Variants in KCNK1 observed in about 807,000 individuals in gnomAD.
KCNK1 encodes potassium two pore domain channel subfamily K member 1.
KCNK1 carries 10 observed loss-of-function variants against 22.2 expected under a neutral mutation model. The observed-to-expected ratio is 0.45, with a 90% CI of 0.28 to 0.76. KCNK1 has a LOEUF of 0.76. Ranked by LOEUF, KCNK1 falls within the 30% of genes least tolerant of loss-of-function variation. The pLI is 0.14. For missense variants in KCNK1, 378 were observed against 421.0 expected, an observed-to-expected ratio of 0.90 and a Z score of 0.89; for synonymous variants, 200 against 186.4, an observed-to-expected ratio of 1.07 and a Z score of -0.60.
intron 1 of KCNK1, chr1:233,630,894 G>A (rs1381460480): frequency 5.6e-6 from 1 of 178,902 alleles, no homozygotes; most frequent in Admixed American, 5.7e-5. Context: ...GTCCACTCTG[G>A]TAAATGTCAA....
Position 233,637,214 on chromosome 1 carries a change from AAAAGAT to A in KCNK1, c.355+22689_355+22694del, listed in dbSNP as rs1246681039. 1.5e-3 allele frequency: 226 copies of A among 152,434 alleles called. 1 individual carries two copies. Among genetic ancestry groups the A allele is most frequent in the African/African-American group, 5.3e-3 (219 of 41,252 alleles). 9.4% of individuals were successfully genotyped at this position (152,434 alleles called of 1,614,324 possible). On this transcript the variant is annotated intron_variant, in intron 1 of 2. Transcript: ENST00000366621. ...CTGTTTCAAAAAAAAAAAAAAAAAA[AAAAGAT>A]GGTGACATGGAAGAGCAGTAATGGT...
intron 1 of KCNK1, among the ~76,000 whole-genome samples, chr1:233,616,646 T>A (rs560198873): frequency 2.0e-4 from 30 of 152,338 alleles, no homozygotes; most frequent in South Asian, 6.2e-4. Flanking sequence ...GAATTCTTGT[T>A]ATATGAATAC....
chr1:233,646,904 T>C (rs891875466), intron 1 of KCNK1, among the ~76,000 whole-genome samples: 1 of 152,136 alleles, frequency 6.6e-6, no homozygotes, highest in Non-Finnish European at 1.5e-5. Context: ...AAGAGCGGCT[T>C]GGATGGAAGC....
At chr1:233,623,513 G>A (rs1211740275) in intron 1 of KCNK1, among the ~76,000 whole-genome samples, 2 of 152,234 alleles carry the variant, frequency 1.3e-5, no homozygotes, top group South Asian at 2.1e-4. Context: ...TGTACATTAT[G>A]TGTATTGAGG....
chr1:233,634,813 G>C (rs1212763060), intron 1 of KCNK1, among the ~76,000 whole-genome samples: 2 of 152,242 alleles, frequency 1.3e-5, no homozygotes, highest in Non-Finnish European at 2.9e-5. Flanking sequence ...GTTGGGAGCA[G>C]ACAGAAGCCT....
intron 1 of KCNK1, among the ~76,000 whole-genome samples, chr1:233,641,321 T>G (rs1657996054): frequency 6.6e-6 from 1 of 152,192 alleles, no homozygotes; most frequent in Non-Finnish European, 1.5e-5. Flanking sequence ...TTTCATAGGC[T>G]TCTACAAGCT....
At chr1:233,633,735 G>A (rs908247915) in intron 1 of KCNK1, among the ~76,000 whole-genome samples, 3 of 152,050 alleles carry the variant, frequency 2.0e-5, no homozygotes, top group African/African-American at 7.2e-5. Context: ...GTTTTTGGTT[G>A]TTGTTTGGGC....
intron 1 of KCNK1, among the ~76,000 whole-genome samples, chr1:233,636,745 A>G (rs1440767617): frequency 3.9e-5 from 2 of 50,786 alleles, no homozygotes; most frequent in Non-Finnish European, 7.3e-5. Context: ...GTCATAGGAA[A>G]AACAGGTGAT....
At chr1:233,652,092 T>G (rs1658211200) in intron 1 of KCNK1, among the ~76,000 whole-genome samples, 1 of 152,070 alleles carries the variant, frequency 6.6e-6, no homozygotes, top group African/African-American at 2.4e-5. Context: ...CAAGCAACAA[T>G]CAGGCTCAGA....
chr1:233,658,724 T>C (rs1658342613), intron 1 of KCNK1, among the ~76,000 whole-genome samples: 1 of 152,256 alleles, frequency 6.6e-6, no homozygotes, highest in South Asian at 2.1e-4. Context: ...TACTGAAGAC[T>C]GTAGGCAAGT....
At chr1:233,658,001 C>G (rs1658329453) in intron 1 of KCNK1, among the ~76,000 whole-genome samples, 1 of 151,956 alleles carries the variant, frequency 6.6e-6, no homozygotes, top group African/African-American at 2.4e-5. Flanking sequence ...GGAAGCAAGG[C>G]CTGATGAGAT....
intron 1 of KCNK1, among the ~76,000 whole-genome samples, chr1:233,633,135 A>G (rs1481475632): frequency 4.6e-5 from 7 of 151,290 alleles, no homozygotes; most frequent in Non-Finnish European, 8.8e-5. Context: ...GAGAGCCTGG[A>G]GAAACATGGG....
intron 1 of KCNK1, among the ~76,000 whole-genome samples, chr1:233,628,760 A>AATAATAAT (rs1657738099): frequency 1.3e-5 from 2 of 148,728 alleles, no homozygotes; most frequent in African/African-American, 5.2e-5. Context: ...ACTCTGTCTC[A>AATAATAAT]AATAATAATA....
At chr1:233,629,148 C>T (rs1230354689) in intron 1 of KCNK1, among the ~76,000 whole-genome samples, 1 of 152,134 alleles carries the variant, frequency 6.6e-6, no homozygotes, top group Non-Finnish European at 1.5e-5. Flanking sequence ...AGCCCACAGC[C>T]AGCTGGGGAG....
rs1558105032 is a variant in KCNK1 at position 233,614,144 on chromosome 1, G to GTTGACCTTGGCT, written c.-25_-24insACCTTGGCTTTG. 2.4e-6 allele frequency: 3 copies of GTTGACCTTGGCT among 1,253,608 alleles called. No individual in the cohort carries two copies. The highest frequency in any genetic ancestry group is 3.3e-5 in the South Asian group (2 of 59,888). 77.7% of individuals were successfully genotyped at this position (1,253,608 alleles called of 1,614,324 possible). ...GGCCGCGCTCCGGCCGGTCTGCGGC[G>GTTGACCTTGGCT]TTGGCCTTGGCGGCGGCGGTGGAGA... is the stretch of plus-strand genomic sequence containing the variant. On this transcript the variant is annotated 5_prime_UTR_variant, in exon 1 of 3. Coordinates refer to ENST00000366621, the MANE Select transcript of KCNK1 (RefSeq NM_002245.4).
At chr1:233,634,930 C>T (rs1424781455) in intron 1 of KCNK1, among the ~76,000 whole-genome samples, 1 of 152,126 alleles carries the variant, frequency 6.6e-6, no homozygotes, top group Admixed American at 6.5e-5. Flanking sequence ...GTTTCTTTTC[C>T]AAGTTAAATT....
At chr1:233,625,901 G>A (rs1184217982) in intron 1 of KCNK1, among the ~76,000 whole-genome samples, 3 of 152,090 alleles carry the variant, frequency 2.0e-5, no homozygotes, top group Non-Finnish European at 2.9e-5. Context: ...GGAGTGATGA[G>A]GTCAGGAAGA....
At chr1:233,630,404 C>T (rs1227693713) in intron 1 of KCNK1, 2 of 152,188 alleles carry the variant, frequency 1.3e-5, no homozygotes, top group Non-Finnish European at 2.9e-5. Flanking sequence ...TTGTACAATG[C>T]TTTGCATTTT....
chr1:233,639,640 T>A lies in KCNK1; in HGVS notation c.355+25114T>A, dbSNP rs545946139. 2.0e-5 allele frequency among the ~76,000 whole-genome samples: 3 copies of A among 152,348 alleles called. No homozygotes were observed. The East Asian group carries it at 5.8e-4, about 29-fold the overall frequency. ...AATACTTGATTCTCTTTCTTGTTAA[T>A]ATCATAAGGGAGAGAGTTGATGCTT... On this transcript the variant is annotated intron_variant, in intron 1 of 2. Transcript: ENST00000366621.
Sources: allele counts gnomAD v4.1 joint callset (sites outside exome capture counted in the v4.1 genomes callset), GRCh38; gene constraint gnomAD v4.1.1; transcripts MANE v1.5; gene names NCBI Gene and HGNC (gene_info 2026-07-23, HGNC 2026-07-21).